PCDH15: variants seen among roughly 807,000 people sequenced by gnomAD.
PCDH15 encodes the protein protocadherin related 15.
In PCDH15, 129 loss-of-function variants were observed where a neutral mutation model predicts 178.5. The ratio of observed to expected loss-of-function variants is 0.72; its 90% CI spans 0.63 to 0.84. PCDH15 has a LOEUF of 0.84. Among genes scored for constraint, PCDH15 ranks in the 40% least tolerant of loss-of-function variants. PCDH15 has a pLI of 0.00. For synonymous variants in PCDH15, 800 were observed against 732.0 expected (o/e 1.09, Z -1.50); for missense variants, 2,230 against 2,099.9 (o/e 1.06, Z -1.21).
chr10:53,818,548 T>C (rs1463837974), intron 33 of PCDH15, among the ~76,000 whole-genome samples: 1 of 152,096 alleles, frequency 6.6e-6, no homozygotes, highest in Non-Finnish European at 1.5e-5. Flanking sequence ...TCAATTATAA[T>C]ATTAGAAATT....
chr10:54,056,312 G>A (rs1590155590), intron 18 of PCDH15, among the ~76,000 whole-genome samples: 2 of 152,074 alleles, frequency 1.3e-5, no homozygotes, highest in East Asian at 3.9e-4. Flanking sequence ...TGCTGTATTA[G>A]TCTGTCCTAA....
chr10:54,815,825 G>A (rs1346935039), intron 3 of PCDH15, among the ~76,000 whole-genome samples: 2 of 151,976 alleles, frequency 1.3e-5, no homozygotes, highest in African/African-American at 4.8e-5. Context: ...GATAAACACA[G>A]TACACTACTC....
At chr10:53,810,698 T>C (rs954979069) in intron 36 of PCDH15, 34 bp from the exon 37 acceptor site, 1 of 1,554,678 alleles carries the variant, frequency 6.4e-7, no homozygotes, top group Non-Finnish European at 8.9e-7. Flanking sequence ...AAACAGTTTG[T>C]CATGTGATTT....
chr10:55,286,501 GT>G (rs34383872), intron 1 of PCDH15, among the ~76,000 whole-genome samples: 220 of 140,956 alleles, frequency 1.6e-3, no homozygotes, highest in South Asian at 2.5e-3. Flanking sequence ...GTCTATGAGG[GT>G]TTTTTTTTTT....
chr10:54,782,815 A>T (rs1950504124), intron 1 of PCDH15, among the ~76,000 whole-genome samples: 1 of 152,034 alleles, frequency 6.6e-6, no homozygotes, highest in South Asian at 2.1e-4. Context: ...GCCTCACCAC[A>T]GTCTCTACAA....
In PCDH15 at chr10:54,977,691, A is replaced by G. The variant is rs943786463; in HGVS notation, c.-79-80191T>C. Among the ~76,000 whole-genome samples the G allele has an allele frequency of 3.9e-5, 6 of 152,078 alleles. No individual in the cohort carries two copies. In the East Asian group the frequency reaches 5.8e-4, roughly 15 times the overall value. ...CATCCTTCATTTTTTTTATTTTCCA[A>G]TAAACTCGCTTTCACGTTACTCTGT... On this transcript the variant is annotated intron_variant, in intron 2 of 5. Transcript: ENST00000458638.
intron 3 of PCDH15, among the ~76,000 whole-genome samples, chr10:54,489,536 T>G (rs2079392841): frequency 6.6e-6 from 1 of 152,134 alleles, no homozygotes; most frequent in Non-Finnish European, 1.5e-5. Flanking sequence ...TCTAAGATAG[T>G]TTTGTTCAGG....
intron 17 of PCDH15, among the ~76,000 whole-genome samples, chr10:54,069,901 T>C (rs906629480): frequency 6.6e-6 from 1 of 152,150 alleles, no homozygotes; most frequent in African/African-American, 2.4e-5. Flanking sequence ...CAATTAATTT[T>C]AAATATGAAT....
At chr10:55,519,297 A>AAC (rs1810019017) in intron 2 of PCDH15, among the ~76,000 whole-genome samples, 1 of 150,888 alleles carries the variant, frequency 6.6e-6, no homozygotes, top group Admixed American at 6.6e-5. Flanking sequence ...AAAAAAAAAA[A>AAC]AAACCCAATA....
intron 14 of PCDH15, among the ~76,000 whole-genome samples, chr10:54,145,206 T>G (rs1461797913): frequency 6.6e-6 from 1 of 152,076 alleles, no homozygotes. Context: ...AAGACAACTT[T>G]TTCATATGAC....
chr10:54,240,268 AT>A (rs146288646), intron 8 of PCDH15, among the ~76,000 whole-genome samples: 13 of 150,538 alleles, frequency 8.6e-5, no homozygotes, highest in East Asian at 1.9e-4. Context: ...CAGTTCAAGT[AT>A]TTTTTTTTAA....
chr10:54,050,501 G>A (rs565609569), intron 18 of PCDH15, among the ~76,000 whole-genome samples: 5 of 151,782 alleles, frequency 3.3e-5, no homozygotes, highest in South Asian at 2.1e-4. Context: ...TCATCTTTTC[G>A]AAGAACCAAC....
At chr10:55,627,728 G>A (rs1837561942) in exon 2 of PCDH15, 1 of 152,122 alleles carries the variant, frequency 6.6e-6, no homozygotes. Flanking sequence ...CCCGCAGAGA[G>A]CTCCTGCCAA....
intron 2 of PCDH15, among the ~76,000 whole-genome samples, chr10:54,560,495 T>C (rs1443372739): frequency 3.9e-5 from 6 of 152,074 alleles, no homozygotes; most frequent in Non-Finnish European, 5.9e-5. Context: ...TTTTTTTATG[T>C]ACAACACTTT....
chr10:54,664,463 C>T (rs1324849200), intron 1 of PCDH15, among the ~76,000 whole-genome samples, 173 bp from the exon 2 acceptor site: 1 of 152,004 alleles, frequency 6.6e-6, no homozygotes, highest in African/African-American at 2.4e-5. Flanking sequence ...TGTTTATCAA[C>T]ATAAATTTGC....
At chr10:54,105,756 GTATCA>G (rs2094906773) in intron 15 of PCDH15, among the ~76,000 whole-genome samples, 1 of 152,018 alleles carries the variant, frequency 6.6e-6, no homozygotes, top group East Asian at 1.9e-4. Context: ...AACCATCACA[GTATCA>G]TATAACACAG....
intron 1 of PCDH15, among the ~76,000 whole-genome samples, chr10:54,716,604 T>G (rs897240863): frequency 3.3e-5 from 5 of 152,090 alleles, no homozygotes; most frequent in South Asian, 2.1e-4. Context: ...TTTTGTACAT[T>G]GATTTTGTAT....
At chr10:55,187,636 C>T in intron 1 of PCDH15, among the ~76,000 whole-genome samples, 1 of 152,098 alleles carries the variant, frequency 6.6e-6, no homozygotes, top group Admixed American at 6.6e-5. Context: ...TATGATTCAG[C>T]AAATTACAGC....
intron 2 of PCDH15, among the ~76,000 whole-genome samples, chr10:55,059,582 A>G (rs1266774245): frequency 6.6e-6 from 1 of 152,180 alleles, no homozygotes; most frequent in Non-Finnish European, 1.5e-5. Context: ...GCAAAGTCAC[A>G]AAGGCTTATT....
Sources: allele counts gnomAD v4.1 joint callset (sites outside exome capture counted in the v4.1 genomes callset), GRCh38; gene constraint gnomAD v4.1.1; transcripts MANE v1.5; gene names NCBI Gene and HGNC (gene_info 2026-07-23, HGNC 2026-07-21).